CHST10: variants seen among roughly 807,000 people sequenced by gnomAD.
CHST10 encodes the protein carbohydrate sulfotransferase 10.
CHST10 carries 24 observed loss-of-function variants against 34.7 expected under a neutral mutation model. The ratio of observed to expected loss-of-function variants is 0.69; its 90% CI spans 0.50 to 0.97. CHST10 has a LOEUF of 0.97. CHST10 is among the 50% of genes least tolerant of loss of function. CHST10 has a pLI of 0.00. For missense variants in CHST10, 402 were observed against 452.1 expected (o/e 0.89, Z 1.00); for synonymous variants, 161 against 169.3 (o/e 0.95, Z 0.38).
intron 4 of CHST10, among the ~76,000 whole-genome samples, chr2:100,399,581 T>C (rs1412393757): frequency 6.6e-6 from 1 of 152,164 alleles, no homozygotes; most frequent in African/African-American, 2.4e-5. Context: ...GGGGACAACG[T>C]CAGTTAGAAA....
intron 1 of CHST10, chr2:100,415,941 C>G (rs1676049901): frequency 6.6e-6 from 1 of 152,180 alleles, no homozygotes; most frequent in East Asian, 1.9e-4. Context: ...ACTTGTACTG[C>G]TGTTACTGTA....
At chr2:100,398,650 G>C (rs1049804041) in intron 4 of CHST10, among the ~76,000 whole-genome samples, 2 of 152,170 alleles carry the variant, frequency 1.3e-5, no homozygotes, top group African/African-American at 4.8e-5. Flanking sequence ...GTTGCAGTGA[G>C]CCTAAGATCG....
intron 6 of CHST10, among the ~76,000 whole-genome samples, chr2:100,395,183 T>A (rs1674995868): frequency 6.6e-6 from 1 of 152,184 alleles, no homozygotes; most frequent in African/African-American, 2.4e-5. Flanking sequence ...CCCTTTCTTA[T>A]AAAGAAAAGA....
In CHST10 at chr2:100,395,496, A is replaced by AGG; in HGVS notation, c.533+12_533+13insCC. On this transcript the variant is annotated intron_variant, in intron 6 of 6. Coordinates refer to ENST00000264249, the MANE Select transcript of CHST10 (RefSeq NM_004854.5). ...AAAAACTCCCCCCTCCCCTTTGAGG[A>AGG]AGCTGTTCTCACCGCTTCTGAATTT... is the stretch of plus-strand genomic sequence containing the variant. The AGG allele has an allele frequency of 6.2e-7, 1 of 1,608,932 alleles. No individual in the cohort carries two copies. The highest frequency in any genetic ancestry group is 8.5e-7 in the Non-Finnish European group (1 of 1,175,726).
intron 4 of CHST10, among the ~76,000 whole-genome samples, chr2:100,400,306 C>G (rs899628535): frequency 2.6e-5 from 4 of 152,254 alleles, no homozygotes; most frequent in Admixed American, 6.5e-5. Flanking sequence ...GTGGCACAAT[C>G]ATGACTCACT....
rs1176014743 is a variant in CHST10, at chr2:100,392,651, GCTGA to G, written c.*590_*593del. 1 of 157,970 alleles carries G rather than the reference GCTGA, an allele frequency of 6.3e-6. No individual in the cohort carries two copies. Among genetic ancestry groups the G allele is most frequent in the Non-Finnish European group, 1.4e-5 (1 of 71,180 alleles). 9.8% of individuals were successfully genotyped at this position (157,970 alleles called of 1,614,324 possible). ...GACACCACACCACCCTCTGGCCATC[GCTGA>G]CTGTCTACAGGAACAAAATAGTCAC... On this transcript the variant is annotated 3_prime_UTR_variant, in exon 7 of 7. Coordinates refer to ENST00000264249, the MANE Select transcript of CHST10 (RefSeq NM_004854.5).
chr2:100,411,116 CTTTT>C (rs66495740), intron 2 of CHST10, among the ~76,000 whole-genome samples: 1 of 129,082 alleles, frequency 7.7e-6, no homozygotes, highest in Non-Finnish European at 1.6e-5. Flanking sequence ...AGCATTTTTT[CTTTT>C]TTTTTTTTTT....
chr2:100,398,001 G>A lies in CHST10; in HGVS notation c.334C>T (p.Arg112Ter), dbSNP rs755116325. ...HTPVSKFVLD[R>*]IFVCDKHKIL... ...TTGTGCTTGTCACAGACAAATATTC[G>A]GTCCAGGACAAACTTGGAGACAGGA... Residue 112 changes from arginine to a stop codon, truncating the protein, a stop_gained, in exon 5 of 7, where the codon CGA (arginine) becomes TGA (stop). Coordinates refer to ENST00000264249, the MANE Select transcript of CHST10 (RefSeq NM_004854.5). LOFTEE classifies it high-confidence loss of function. 6.2e-7 allele frequency: 1 copy of A among 1,614,112 alleles called. No homozygotes were observed. The highest frequency in any genetic ancestry group is 8.5e-7 in the Non-Finnish European group (1 of 1,180,012).
intron 3 of CHST10, 99 bp downstream of exon 3, chr2:100,406,477 T>C (rs1414744544): frequency 1.7e-5 from 26 of 1,487,364 alleles, no homozygotes; most frequent in Non-Finnish European, 1.9e-5. Flanking sequence ...TGAAAGTCCT[T>C]TGACTCTGTG....
At chr2:100,408,187 A>C (rs996184844) in intron 2 of CHST10, 2 of 152,162 alleles carry the variant, frequency 1.3e-5, no homozygotes, top group Non-Finnish European at 2.9e-5. Context: ...AAACAAAAAC[A>C]AAAACCTATG....
In CHST10 at chr2:100,399,398, C is replaced by T. The variant is rs148544854; in HGVS notation, c.193-1256G>A. ...GGGATTACAGGCGTAAGCCACCACG[C>T]CCGGCCATATCTATCTCTTAAAGCT... On this transcript the variant is annotated intron_variant, in intron 4 of 6. Coordinates refer to ENST00000264249, the MANE Select transcript of CHST10 (RefSeq NM_004854.5). Among the ~76,000 whole-genome samples the T allele has an allele frequency of 2.1e-3, 322 of 152,344 alleles. 10 individuals carry two copies. In the East Asian group the frequency reaches 0.047, roughly 22 times the overall value.
chr2:100,392,248 G>A lies in CHST10; in HGVS notation c.*997C>T, dbSNP rs970343902. Reference sequence around the variant, plus strand: ...AGTGCCCATTTTGCTGAGATGAAAGGAATCGAAATGTATAAACTACACTGA... The same window carrying A: ...AGTGCCCATTTTGCTGAGATGAAAGAAATCGAAATGTATAAACTACACTGA... On this transcript the variant is annotated 3_prime_UTR_variant, in exon 7 of 7. Transcript: ENST00000264249. The A allele has an allele frequency of 6.5e-6, 1 of 152,828 alleles. No homozygotes were observed. Among genetic ancestry groups the A allele is most frequent in the South Asian group, 2.1e-4 (1 of 4,820 alleles). The allele number at this position is 152,828 out of a possible 1,614,324, so 9.5% of individuals were successfully genotyped here.
chr2:100,398,224 C>A (rs1417719571), intron 4 of CHST10, 82 bp from the exon 5 acceptor site: 32 of 932,778 alleles, frequency 3.4e-5, no homozygotes, highest in Non-Finnish European at 1.1e-5. Flanking sequence ...TCCTGCTGGT[C>A]TATCCCCTCC....
In CHST10 at chr2:100,406,644, C is replaced by T. The variant is rs1356117857; in HGVS notation, c.32G>A (p.Cys11Tyr). The T allele has an allele frequency of 6.2e-7, 1 of 1,614,204 alleles. No homozygotes were observed. The highest frequency in any genetic ancestry group is 1.7e-5 in the Admixed American group (1 of 60,028). The change falls in exon 3 of 7, where the codon TGC becomes TAC. Residue 11 changes from cysteine to tyrosine, a missense_variant. Cys to Tyr is a radical substitution (Grantham distance 194, BLOSUM62 -2). Transcript: ENST00000264249. ...CATGAACATGAAAATCACCCAAAAG[C>T]ATGCGGCCAGCAGAAGCCACTGGTG... MHHQWLLLAA[C>Y]FWVIFMFMVA...
At chr2:100,410,455 C>T (rs1402014236) in intron 2 of CHST10, among the ~76,000 whole-genome samples, 2 of 152,210 alleles carry the variant, frequency 1.3e-5, no homozygotes, top group Non-Finnish European at 2.9e-5. Flanking sequence ...CAGGGACCAG[C>T]ACAGTGCCTG....
In CHST10 at chr2:100,416,937, C is replaced by T. The variant is rs1676090959; in HGVS notation, c.-104+437G>A. 7 of 1,301,478 alleles carry T rather than the reference C, an allele frequency of 5.4e-6. No homozygotes were observed. In the South Asian group the frequency reaches 6.2e-5, roughly 11 times the overall value. 80.6% of individuals were successfully genotyped at this position (1,301,478 alleles called of 1,614,324 possible). On this transcript the variant is annotated intron_variant, in intron 1 of 6. Transcript: ENST00000264249. ...CGAAGATCAGAGGCTCAGGGCACCC[C>T]GGGGCCCCTCAGGCAGGGAACGTGC... is the stretch of plus-strand genomic sequence containing the variant.
At chr2:100,401,282 GAAT>G (rs1200593057) in intron 4 of CHST10, among the ~76,000 whole-genome samples, 1 of 152,204 alleles carries the variant, frequency 6.6e-6, no homozygotes, top group African/African-American at 2.4e-5. Context: ...AATGCAAACA[GAAT>G]AAAAATATAC....
At chr2:100,401,526 C>T (rs894506822) in intron 4 of CHST10, among the ~76,000 whole-genome samples, 3 of 152,170 alleles carry the variant, frequency 2.0e-5, no homozygotes, top group Admixed American at 2.0e-4. Flanking sequence ...AAGGCTTACC[C>T]TACCTTTGTT....
chr2:100,403,223 C>T (rs778482264), intron 3 of CHST10, among the ~76,000 whole-genome samples: 2 of 152,200 alleles, frequency 1.3e-5, no homozygotes, highest in Admixed American at 6.5e-5. Flanking sequence ...ACATCACAGG[C>T]TCTGCCCTCA....
Sources: allele counts gnomAD v4.1 joint callset (sites outside exome capture counted in the v4.1 genomes callset), GRCh38; gene constraint gnomAD v4.1.1; transcripts MANE v1.5; gene names NCBI Gene and HGNC (gene_info 2026-07-23, HGNC 2026-07-21).